SHISA9: variants seen among roughly 807,000 people sequenced by gnomAD.
SHISA9 encodes protein shisa-9.
In SHISA9, 13 loss-of-function variants were observed where a neutral mutation model predicts 38.0. That is an observed-to-expected ratio of 0.34 (90% CI 0.22 to 0.54). The LOEUF (loss-of-function observed/expected upper bound fraction) is 0.54. Among genes scored for constraint, SHISA9 ranks in the 20% least tolerant of loss-of-function variants. The pLI is 0.91. For missense variants in SHISA9, 538 were observed against 575.8 expected (o/e 0.93, Z 0.67); for synonymous variants, 275 against 242.0 (o/e 1.14, Z -1.27).
At chr16:13,144,842 T>C (rs796914446) in intron 2 of SHISA9, among the ~76,000 whole-genome samples, 43 of 152,232 alleles carry the variant, frequency 2.8e-4, no homozygotes, top group African/African-American at 1.0e-3. Context: ...TTAGTGAAAA[T>C]GAGGCTCCTC....
At chr16:13,135,716 C>A (rs1306860926) in intron 2 of SHISA9, among the ~76,000 whole-genome samples, 2 of 152,054 alleles carry the variant, frequency 1.3e-5, no homozygotes, top group Admixed American at 1.3e-4. Context: ...TAATAATAAT[C>A]ATAATATAAT....
intron 2 of SHISA9, among the ~76,000 whole-genome samples, chr16:12,917,802 T>A (rs114983673): frequency 0.011 from 1,623 of 152,292 alleles, 33 homozygotes; most frequent in African/African-American, 0.036. Context: ...ATGATGCACA[T>A]TTTTACAGAC....
intron 2 of SHISA9, among the ~76,000 whole-genome samples, chr16:13,115,962 C>G (rs1438714375): frequency 6.6e-6 from 1 of 152,118 alleles, no homozygotes; most frequent in Non-Finnish European, 1.5e-5. Flanking sequence ...TCCTTTTAGG[C>G]CAAATTCAAA....
chr16:13,265,192 C>A, the SHISA9 span, among the ~76,000 whole-genome samples: 1 of 119,658 alleles, frequency 8.4e-6, no homozygotes, highest in African/African-American at 3.2e-5. Flanking sequence ...CCCACTCCCT[C>A]CCCTCCCTTT....
intron 2 of SHISA9, among the ~76,000 whole-genome samples, chr16:12,923,035 C>T (rs2071347312): frequency 6.6e-6 from 1 of 152,166 alleles, no homozygotes; most frequent in Admixed American, 6.5e-5. Context: ...CCAAGTTGCC[C>T]AGGCTGGTCT....
the SHISA9 span, among the ~76,000 whole-genome samples, chr16:13,370,100 G>A: frequency 1.3e-5 from 2 of 152,310 alleles, no homozygotes; most frequent in Admixed American, 6.5e-5. Context: ...GAGTTCACTA[G>A]CTGATTCCAA....
At chr16:13,429,306 G>A in the SHISA9 span, among the ~76,000 whole-genome samples, 12 of 152,154 alleles carry the variant, frequency 7.9e-5, no homozygotes, top group Admixed American at 7.9e-4. Context: ...ATACAGTTTT[G>A]AAGGCTAGAA....
chr16:13,365,945 C>T, the SHISA9 span, among the ~76,000 whole-genome samples: 16 of 152,276 alleles, frequency 1.1e-4, no homozygotes, highest in Middle Eastern at 3.4e-3. Flanking sequence ...TTCTATAGCT[C>T]AGTAAGTTTC....
the SHISA9 span, among the ~76,000 whole-genome samples, chr16:13,424,277 C>G: frequency 6.6e-6 from 1 of 152,230 alleles, no homozygotes; most frequent in Admixed American, 6.5e-5. Flanking sequence ...GCTCAAAAAG[C>G]AACTGATAAA....
intron 2 of SHISA9, among the ~76,000 whole-genome samples, chr16:13,179,794 T>G (rs2050762065): frequency 6.6e-6 from 1 of 152,210 alleles, no homozygotes; most frequent in East Asian, 1.9e-4. Flanking sequence ...TGGGAGCAGA[T>G]CAGAATCCAA....
the SHISA9 span, among the ~76,000 whole-genome samples, chr16:13,346,220 CTTTCTG>C: frequency 1.3e-5 from 2 of 152,112 alleles, no homozygotes; most frequent in Admixed American, 6.6e-5. Flanking sequence ...TGGTATTTGA[CTTTCTG>C]TTTCTGAGTT....
At chr16:12,966,645 C>T (rs1223391044) in intron 2 of SHISA9, among the ~76,000 whole-genome samples, 1 of 152,192 alleles carries the variant, frequency 6.6e-6, no homozygotes, top group Non-Finnish European at 1.5e-5. Flanking sequence ...ATATCCCTTT[C>T]TCTGGAATAA....
intron 2 of SHISA9, among the ~76,000 whole-genome samples, chr16:13,173,818 A>G (rs1322438394): frequency 6.6e-6 from 1 of 152,180 alleles, no homozygotes; most frequent in Admixed American, 6.5e-5. Context: ...AGCCAGAGGA[A>G]GTTCACAGGG....
intron 2 of SHISA9, among the ~76,000 whole-genome samples, chr16:13,000,211 G>T (rs774103068): frequency 6.6e-6 from 1 of 151,882 alleles, no homozygotes; most frequent in Admixed American, 6.6e-5. Context: ...CTCTCGGGGG[G>T]ACAAGCTGCT....
intron 2 of SHISA9, among the ~76,000 whole-genome samples, chr16:13,033,629 A>C (rs1179197268): frequency 6.6e-6 from 1 of 152,076 alleles, no homozygotes; most frequent in Non-Finnish European, 1.5e-5. Context: ...GGCATGGGGG[A>C]TGGTGGTGTA....
chr16:13,513,143 A>G, the SHISA9 span, among the ~76,000 whole-genome samples: 1 of 152,382 alleles, frequency 6.6e-6, no homozygotes, highest in Non-Finnish European at 1.5e-5. Flanking sequence ...ATCTACAAGG[A>G]ACTTAAACGA....
In SHISA9 at chr16:12,954,074, CAAGTCCACTCAGCAG is replaced by C. The variant is rs1473076087; in HGVS notation, c.691+37264_691+37278del. Among the ~76,000 whole-genome samples, 4 of 152,100 alleles carry C rather than the reference CAAGTCCACTCAGCAG, an allele frequency of 2.6e-5. No homozygotes were observed. In the East Asian group the frequency reaches 7.7e-4, roughly 29 times the overall value. Reference sequence around the variant, plus strand: ...CAAACCATAACAAGGAATTAACAGCCAAGTCCACTCAGCAGAAGTGGCGAGATGATTTAAGACTTG... The same window carrying C: ...CAAACCATAACAAGGAATTAACAGCCAAGTGGCGAGATGATTTAAGACTTG... On this transcript the variant is annotated intron_variant, in intron 2 of 4. Coordinates refer to ENST00000558583, the MANE Select transcript of SHISA9 (RefSeq NM_001145204.3).
the SHISA9 span, among the ~76,000 whole-genome samples, chr16:13,501,839 T>A: frequency 1.3e-5 from 2 of 152,022 alleles, no homozygotes; most frequent in Non-Finnish European, 2.9e-5. Flanking sequence ...CCGTCTCTAC[T>A]AAAAATACAA....
chr16:13,131,641 G>T (rs1261122529), intron 2 of SHISA9, among the ~76,000 whole-genome samples: 1 of 150,538 alleles, frequency 6.6e-6, no homozygotes, highest in Admixed American at 6.6e-5. Context: ...GAAAAAAAAA[G>T]GTTTTATTTA....
Sources: allele counts gnomAD v4.1 joint callset (sites outside exome capture counted in the v4.1 genomes callset), GRCh38; gene constraint gnomAD v4.1.1; transcripts MANE v1.5; gene names NCBI Gene and HGNC (gene_info 2026-07-23, HGNC 2026-07-21).